Variants in PCDH15 observed in about 807,000 individuals in gnomAD.
The protein encoded by PCDH15 is protocadherin-15.
PCDH15 carries 129 observed loss-of-function variants against 178.5 expected under a neutral mutation model. That is an observed-to-expected ratio of 0.72 (90% CI 0.63 to 0.84). PCDH15 has a LOEUF of 0.84. PCDH15 is among the 40% of genes least tolerant of loss of function. The probability of loss-of-function intolerance (pLI) is 0.00; values close to 1 mark genes in which losing one functional copy is unlikely to be tolerated. For synonymous variants in PCDH15, 800 were observed against 732.0 expected, an observed-to-expected ratio of 1.09 and a Z score of -1.50; for missense variants, 2,230 against 2,099.9, an observed-to-expected ratio of 1.06 and a Z score of -1.21.
chr10:54,527,133 A>G (rs2083437945), intron 3 of PCDH15, among the ~76,000 whole-genome samples: 1 of 152,144 alleles, frequency 6.6e-6, no homozygotes, highest in African/African-American at 2.4e-5. Context: ...ACTGCTGCCC[A>G]GTTGAGGAGA....
At chr10:55,276,141 T>A (rs1564959076) in intron 1 of PCDH15, among the ~76,000 whole-genome samples, 1 of 150,070 alleles carries the variant, frequency 6.7e-6, no homozygotes, top group Non-Finnish European at 1.5e-5. Context: ...GTCTATGTGT[T>A]TTTTTTTAGT....
At chr10:53,934,604 A>G (rs2134012503) in intron 25 of PCDH15, among the ~76,000 whole-genome samples, 2 of 152,178 alleles carry the variant, frequency 1.3e-5, no homozygotes, top group Admixed American at 1.3e-4. Context: ...TCTCAAAAAA[A>G]AAAAAAAATC....
rs559821132 is a variant in PCDH15 at position 54,915,711 on chromosome 10, A to T, written c.-79-18211T>A. 3.3e-5 allele frequency among the ~76,000 whole-genome samples: 5 copies of T among 152,288 alleles called. No homozygotes were observed. The East Asian group carries it at 9.6e-4, about 29-fold the overall frequency. The stretch of plus-strand genomic sequence containing the variant: ...AGGCCACTTCCAAATTGAGCAGGAA[A>T]CCTTCCTCCTTAAGCTGAAGTTTTC... On this transcript the variant is annotated intron_variant, in intron 2 of 5. Transcript: ENST00000458638.
chr10:54,409,813 T>C (rs2135602469), intron 3 of PCDH15, among the ~76,000 whole-genome samples: 1 of 152,236 alleles, frequency 6.6e-6, no homozygotes, highest in South Asian at 2.1e-4. Flanking sequence ...CTGGTGGCTT[T>C]AGAAGAAAAG....
chr10:55,039,298 A>G (rs1840810732), intron 2 of PCDH15, among the ~76,000 whole-genome samples: 1 of 152,170 alleles, frequency 6.6e-6, no homozygotes, highest in Admixed American at 6.5e-5. Context: ...AGAGACTAAA[A>G]CAAAAAAAGA....
At chr10:54,219,104 AAAAC>A (rs1190041337) in intron 9 of PCDH15, among the ~76,000 whole-genome samples, 1 of 136,548 alleles carries the variant, frequency 7.3e-6, no homozygotes, top group African/African-American at 3.0e-5. Context: ...AAAAAAAAAA[AAAAC>A]AAAAAAAAAA....
intron 25 of PCDH15, among the ~76,000 whole-genome samples, chr10:53,913,870 A>G (rs2083326598): frequency 6.6e-6 from 1 of 152,238 alleles, no homozygotes; most frequent in Non-Finnish European, 1.5e-5. Flanking sequence ...CCTATCTGAC[A>G]AAGGGCTAAC....
intron 26 of PCDH15, among the ~76,000 whole-genome samples, chr10:53,898,373 G>A (rs1589311466): frequency 6.6e-6 from 1 of 152,092 alleles, no homozygotes; most frequent in Admixed American, 6.6e-5. Context: ...TAAGTATATA[G>A]TAAGAGTTAT....
At chr10:54,665,088 A>G (rs1037252473) in intron 1 of PCDH15, among the ~76,000 whole-genome samples, 4 of 151,864 alleles carry the variant, frequency 2.6e-5, no homozygotes, top group Non-Finnish European at 4.4e-5. Context: ...GGATTGGAAC[A>G]CTGTTTCTCT....
chr10:55,497,274 T>G (rs1589082518), intron 2 of PCDH15, among the ~76,000 whole-genome samples: 1 of 151,388 alleles, frequency 6.6e-6, no homozygotes, highest in African/African-American at 2.4e-5. Flanking sequence ...GGACTACAGG[T>G]GCACACCATG....
At chr10:53,808,905 T>C (rs2075759499) in intron 37 of PCDH15, 2 of 1,582,038 alleles carry the variant, frequency 1.3e-6, no homozygotes, top group African/African-American at 2.7e-5. Flanking sequence ...CAGGGATATC[T>C]TGAGCTTCAG....
At chr10:54,962,358 C>T (rs1232303823) in intron 2 of PCDH15, among the ~76,000 whole-genome samples, 2 of 152,152 alleles carry the variant, frequency 1.3e-5, no homozygotes, top group African/African-American at 2.4e-5. Context: ...TGGGCCAGAG[C>T]AGGGTGGTGG....
intron 2 of PCDH15, among the ~76,000 whole-genome samples, chr10:54,650,089 G>C (rs7903854): frequency 6.6e-6 from 1 of 152,022 alleles, no homozygotes; most frequent in African/African-American, 2.4e-5. Context: ...ATATTATAAA[G>C]GGAAAGATGG....
At chr10:54,369,081 T>A in intron 5 of PCDH15, 39 bp downstream of exon 5, 1 of 1,605,162 alleles carries the variant, frequency 6.2e-7, no homozygotes, top group Non-Finnish European at 8.5e-7. Flanking sequence ...GATACATATA[T>A]CAACAGAAAG....
intron 3 of PCDH15, among the ~76,000 whole-genome samples, chr10:54,866,268 A>C (rs1953940646): frequency 6.6e-6 from 1 of 152,176 alleles, no homozygotes; most frequent in South Asian, 2.1e-4. Context: ...TACCACAGTA[A>C]ATTTAATTTA....
intron 18 of PCDH15, among the ~76,000 whole-genome samples, chr10:54,046,426 T>C (rs984418559): frequency 2.0e-4 from 31 of 152,150 alleles, no homozygotes; most frequent in African/African-American, 7.2e-4. Context: ...AAATAAATTG[T>C]GGCATAGCCA....
chr10:54,389,922 G>A (rs4626985), intron 3 of PCDH15, among the ~76,000 whole-genome samples: 130,187 of 152,206 alleles, frequency 0.86, 55,911 homozygotes, highest in East Asian at 0.99. Context: ...CAGCCTGGGC[G>A]ACAGAGTGAG....
chr10:55,408,406 G>A (rs1306578358), intron 2 of PCDH15, among the ~76,000 whole-genome samples: 1 of 151,850 alleles, frequency 6.6e-6, no homozygotes, highest in African/African-American at 2.4e-5. Context: ...GGCTGGTCTT[G>A]AACTCCTGAC....
At chr10:55,332,274 G>C (rs1844222334) in intron 2 of PCDH15, among the ~76,000 whole-genome samples, 1 of 151,866 alleles carries the variant, frequency 6.6e-6, no homozygotes, top group African/African-American at 2.4e-5. Context: ...CGTTTTCTAG[G>C]TCTCACATTT....
Sources: gnomAD v4.1 joint callset for allele counts (sites outside exome capture counted in the v4.1 genomes callset) on GRCh38, gnomAD v4.1.1 for gene constraint, MANE v1.5 for transcripts, NCBI Gene and HGNC (gene_info 2026-07-23, HGNC 2026-07-21) for gene names.